The following DNAH12 variants were observed in gnomAD, a reference collection of about 807,000 sequenced individuals.
DNAH12 encodes the protein dynein axonemal heavy chain 12.
DNAH12 carries 285 observed loss-of-function variants against 371.5 expected under a neutral mutation model. That is an observed-to-expected ratio of 0.77 (90% CI 0.70 to 0.85). DNAH12 has a LOEUF of 0.85. DNAH12 is among the 40% of genes least tolerant of loss of function. The probability of loss-of-function intolerance (pLI) is 0.00; values close to 1 mark genes in which losing one functional copy is unlikely to be tolerated. For missense variants in DNAH12, 3,611 were observed against 3,689.4 expected, an observed-to-expected ratio of 0.98 and a Z score of 0.55; for synonymous variants, 1,200 against 1,213.0, an observed-to-expected ratio of 0.99 and a Z score of 0.22.
Position 57,437,034 on chromosome 3 carries a change from G to C in DNAH12, c.4572C>G (p.Ala1524=). The C allele has an allele frequency of 6.6e-7, 1 of 1,516,480 alleles. No individual in the cohort carries two copies. Among genetic ancestry groups the C allele is most frequent in the Non-Finnish European group, 8.8e-7 (1 of 1,137,576 alleles). 93.9% of individuals were successfully genotyped at this position (1,516,480 alleles called of 1,614,324 possible). ...YHEFLECAHE[A]CNVHNLQPVK... is the part of the protein sequence containing the mutation. ...CAGGCTGAAGATTATGTACATTGCA[G>C]GCTTCATGAGCACATTCCAAAAATT... Residue 1524 remains alanine (A), a synonymous_variant, in exon 30 of 74, where the codon GCC becomes GCG. Transcript: ENST00000495027.
intron 29 of DNAH12, 35 bp downstream of exon 29, chr3:57,444,662 T>G: frequency 6.5e-7 from 1 of 1,544,034 alleles, no homozygotes; most frequent in African/African-American, 1.4e-5. Context: ...ATGAATTTAT[T>G]ATGCCGAATA....
At chr3:57,316,604 T>G (rs2061690702) in intron 65 of DNAH12, among the ~76,000 whole-genome samples, 1 of 152,080 alleles carries the variant, frequency 6.6e-6, no homozygotes, top group Admixed American at 6.6e-5. Context: ...CACCTAAATC[T>G]CAGCTCAATT....
chr3:57,356,027 A>G (rs928599457), intron 59 of DNAH12, among the ~76,000 whole-genome samples: 1 of 152,220 alleles, frequency 6.6e-6, no homozygotes, highest in Admixed American at 6.5e-5. Context: ...ACGTTAACGA[A>G]TTTGCCTGTA....
At chr3:57,316,599 A>G (rs1490519680) in intron 65 of DNAH12, among the ~76,000 whole-genome samples, 1 of 152,064 alleles carries the variant, frequency 6.6e-6, no homozygotes, top group African/African-American at 2.4e-5. Flanking sequence ...GTCCCCACCT[A>G]AATCTCAGCT....
At chr3:57,388,186 T>C (rs2063534352) in intron 45 of DNAH12, among the ~76,000 whole-genome samples, 1 of 152,128 alleles carries the variant, frequency 6.6e-6, no homozygotes, top group South Asian at 2.1e-4. Flanking sequence ...CAGAACCCTC[T>C]TCCCTCAGAC....
intron 39 of DNAH12, among the ~76,000 whole-genome samples, chr3:57,412,806 G>T (rs570972965): frequency 6.6e-6 from 1 of 152,200 alleles, no homozygotes; most frequent in South Asian, 2.1e-4. Flanking sequence ...GAGAAGACGT[G>T]GAGCAACACT....
chr3:57,475,226 C>T (rs918884235), intron 13 of DNAH12, among the ~76,000 whole-genome samples: 16 of 152,132 alleles, frequency 1.1e-4, no homozygotes, highest in African/African-American at 3.9e-4. Context: ...GAGAGGATTT[C>T]TTAAATAAAA....
chr3:57,357,932 T>G, intron 58 of DNAH12, among the ~76,000 whole-genome samples: 1 of 152,358 alleles, frequency 6.6e-6, no homozygotes, highest in South Asian at 2.1e-4. Context: ...ATTTTCTAAC[T>G]TAACAGGGCT....
intron 12 of DNAH12, among the ~76,000 whole-genome samples, chr3:57,486,245 T>C (rs2066920094): frequency 6.6e-6 from 1 of 151,582 alleles, no homozygotes; most frequent in South Asian, 2.1e-4. Context: ...ACTATTGAAA[T>C]TTTAAAAATT....
intron 2 of DNAH12, among the ~76,000 whole-genome samples, chr3:57,540,926 T>A (rs1311175572): frequency 6.7e-6 from 1 of 150,250 alleles, no homozygotes; most frequent in Non-Finnish European, 1.5e-5. Flanking sequence ...CAAGACCCTG[T>A]CTCAAAAAGA....
In DNAH12 at chr3:57,405,642, G is replaced by A. The variant is rs375350673; in HGVS notation, c.6576+11C>T. 155 of 1,546,888 alleles carry A rather than the reference G, an allele frequency of 1.0e-4. No individual in the cohort carries two copies. Among genetic ancestry groups the A allele is most frequent in the South Asian group, 8.0e-4 (67 of 83,662 alleles). ...GCTTTAACTCAATATGTTCTTAATCGCCATACTCACTGGTGCATTTTGTTT... is the reference window on the plus strand; with the variant it reads ...GCTTTAACTCAATATGTTCTTAATCACCATACTCACTGGTGCATTTTGTTT... On this transcript the variant is annotated intron_variant, in intron 41 of 73. Transcript: ENST00000495027.
intron 62 of DNAH12, among the ~76,000 whole-genome samples, chr3:57,324,424 A>C (rs2061883501): frequency 6.6e-6 from 1 of 152,170 alleles, no homozygotes; most frequent in African/African-American, 2.4e-5. Context: ...TGATATCTTG[A>C]TATTTGGTCA....
At chr3:57,445,690 T>TA (rs2065466910) in intron 27 of DNAH12, among the ~76,000 whole-genome samples, 1 of 116,468 alleles carries the variant, frequency 8.6e-6, no homozygotes, top group Admixed American at 9.3e-5. Flanking sequence ...TTCACGAACT[T>TA]ACACTCAAAA....
intron 12 of DNAH12, among the ~76,000 whole-genome samples, chr3:57,484,422 C>T (rs902979329): frequency 1.3e-5 from 2 of 152,040 alleles, no homozygotes; most frequent in Non-Finnish European, 2.9e-5. Context: ...CCAAACTAAT[C>T]TTTGATAAAG....
At chr3:57,431,308 T>C (rs1324206250) in intron 32 of DNAH12, among the ~76,000 whole-genome samples, 1 of 152,174 alleles carries the variant, frequency 6.6e-6, no homozygotes, top group Non-Finnish European at 1.5e-5. Context: ...CTCTCTACTA[T>C]AACTCTGGCC....
intron 23 of DNAH12, 79 bp downstream of exon 23, chr3:57,454,696 C>A: frequency 8.6e-6 from 13 of 1,512,028 alleles, no homozygotes; most frequent in Non-Finnish European, 1.2e-5. Context: ...ATAGCAAGAT[C>A]TCATTTCTAA....
chr3:57,303,419 T>C (rs1369812197), intron 69 of DNAH12, among the ~76,000 whole-genome samples: 2 of 150,186 alleles, frequency 1.3e-5, no homozygotes, highest in Admixed American at 6.6e-5. Context: ...TTTTTCTTTT[T>C]TTTTTTTTTT....
Position 57,323,567 on chromosome 3 carries a change from A to G in DNAH12, c.10031T>C (p.Val3344Ala). ...YVTDKLGKKF[V>A]EPPPFDLTKS... ...TGTCAAATCAAATGGTGGAGGCTCT[A>G]CAAACTTTTTCCCTAGTTTGTCAGT... The change falls in exon 63 of 74, where the codon GTA becomes GCA. Residue 3344 changes from valine (V) to alanine (A), a missense_variant. Transcript: ENST00000495027. The G allele has an allele frequency of 6.4e-7, 1 of 1,550,466 alleles. No homozygotes were observed. Among genetic ancestry groups the G allele is most frequent in the South Asian group, 1.2e-5 (1 of 83,688 alleles).
At chr3:57,310,244 C>T (rs1436034575) in intron 67 of DNAH12, among the ~76,000 whole-genome samples, 1 of 152,172 alleles carries the variant, frequency 6.6e-6, no homozygotes, top group East Asian at 1.9e-4. Context: ...CTCTAAACCC[C>T]CTTTCCTTTA....
Sources: gnomAD v4.1 joint callset for allele counts (sites outside exome capture counted in the v4.1 genomes callset) on GRCh38, gnomAD v4.1.1 for gene constraint, MANE v1.5 for transcripts, NCBI Gene and HGNC (gene_info 2026-07-23, HGNC 2026-07-21) for gene names.